Variants in EML1 observed in about 807,000 individuals in gnomAD.
EML1 encodes EMAP like 1, also known as echinoderm microtubule-associated protein-like 1.
EML1 carries 27 observed loss-of-function variants against 110.4 expected under a neutral mutation model. That is an observed-to-expected ratio of 0.24 (90% CI 0.18 to 0.34). The LOEUF is 0.34. Ranked by LOEUF, EML1 falls within the 10% of genes least tolerant of loss-of-function variation. The pLI is 1.00. For synonymous variants in EML1, 344 were observed against 385.8 expected, an observed-to-expected ratio of 0.89 and a Z score of 1.27; for missense variants, 741 against 1,030.9, an observed-to-expected ratio of 0.72 and a Z score of 3.85.
intron 15 of EML1, 87 bp downstream of exon 15, chr14:99,914,784 T>C: frequency 6.8e-7 from 1 of 1,481,360 alleles, no homozygotes; most frequent in Non-Finnish European, 9.0e-7. Flanking sequence ...TCAACAGTGA[T>C]ACAAAGTTGT....
intron 9 of EML1, among the ~76,000 whole-genome samples, chr14:99,906,156 G>C (rs186062502): frequency 6.6e-6 from 1 of 152,250 alleles, no homozygotes; most frequent in Admixed American, 6.5e-5. Flanking sequence ...GTTTGGGTTG[G>C]GGGTTTCCTC....
chr14:99,807,905 G>C (rs2058007292), intron 1 of EML1, among the ~76,000 whole-genome samples: 2 of 152,074 alleles, frequency 1.3e-5, no homozygotes, highest in South Asian at 4.1e-4. Context: ...TGTTAGATTT[G>C]TGGTCTTACC....
At chr14:99,907,818 G>A (rs2059879295) in intron 10 of EML1, 85 bp downstream of exon 10, 1 of 1,290,224 alleles carries the variant, frequency 7.8e-7, no homozygotes, top group Admixed American at 1.9e-5. Flanking sequence ...CTTTCAGCGG[G>A]CTCATTCCCA....
At chr14:99,862,180 C>G (rs1427268106) in intron 2 of EML1, among the ~76,000 whole-genome samples, 1 of 152,176 alleles carries the variant, frequency 6.6e-6, no homozygotes, top group Non-Finnish European at 1.5e-5. Flanking sequence ...ATGTTTTTCT[C>G]ATGGATAGAC....
At chr14:99,766,294 A>G (rs1416747685) in intron 1 of EML1, among the ~76,000 whole-genome samples, 1 of 150,458 alleles carries the variant, frequency 6.6e-6, no homozygotes, top group African/African-American at 2.5e-5. Flanking sequence ...TTGTGGGTTC[A>G]AGCAATTCTC....
intron 1 of EML1, among the ~76,000 whole-genome samples, chr14:99,817,515 G>A (rs556774248): frequency 3.1e-4 from 47 of 152,288 alleles, no homozygotes; most frequent in African/African-American, 1.0e-3. Flanking sequence ...CATGGCTCCC[G>A]CAGCATTAGT....
chr14:99,889,428 A>G (rs1344961904), intron 4 of EML1, among the ~76,000 whole-genome samples: 1 of 152,222 alleles, frequency 6.6e-6, no homozygotes, highest in Non-Finnish European at 1.5e-5. Context: ...GAATATAGCC[A>G]TGAACAGAAA....
At chr14:99,796,134 C>G (rs1215832849) in intron 1 of EML1, among the ~76,000 whole-genome samples, 1 of 146,816 alleles carries the variant, frequency 6.8e-6, no homozygotes, top group African/African-American at 2.5e-5. Flanking sequence ...CTGCAGTGAG[C>G]TATGACTGTG....
At chr14:99,758,773 A>G (rs1045465729) in intron 1 of EML1, among the ~76,000 whole-genome samples, 2 of 152,232 alleles carry the variant, frequency 1.3e-5, no homozygotes, top group African/African-American at 2.4e-5. Flanking sequence ...CAGCCCTGCA[A>G]CAGAAGGCTT....
chr14:99,838,753 C>A (rs533589322), intron 1 of EML1, among the ~76,000 whole-genome samples: 16 of 152,210 alleles, frequency 1.1e-4, no homozygotes, highest in Non-Finnish European at 1.9e-4. Context: ...GTGCTTCACA[C>A]GTTATCAGGA....
chr14:99,914,770 G>C, intron 15 of EML1, 73 bp downstream of exon 15: 1 of 1,510,946 alleles, frequency 6.6e-7, no homozygotes, highest in East Asian at 2.4e-5. Context: ...TTTTTTGCAT[G>C]AAATCAACAG....
intron 13 of EML1, among the ~76,000 whole-genome samples, chr14:99,912,104 A>T (rs1034138677): frequency 2.0e-5 from 3 of 150,692 alleles, no homozygotes; most frequent in Admixed American, 6.6e-5. Context: ...CTGGTTTGGA[A>T]CTCCTGAGCT....
chr14:99,770,321 A>G (rs1052387887), upstream of EML1, among the ~76,000 whole-genome samples: 1 of 152,148 alleles, frequency 6.6e-6, no homozygotes, highest in Admixed American at 6.5e-5. Flanking sequence ...GTATTCTCAC[A>G]TGGTGGAAAG....
intron 4 of EML1, among the ~76,000 whole-genome samples, chr14:99,882,497 T>C (rs1310257173): frequency 2.6e-5 from 4 of 152,190 alleles, no homozygotes; most frequent in Non-Finnish European, 5.9e-5. Flanking sequence ...ATAAGGATGT[T>C]TCAGTCATGT....
chr14:99,742,393 G>T (rs1234341116), intron 1 of EML1, among the ~76,000 whole-genome samples: 4 of 152,198 alleles, frequency 2.6e-5, no homozygotes, highest in African/African-American at 9.7e-5. Context: ...GATGGAGAAG[G>T]TACATGGCTT....
rs562905641 is a variant in EML1 at position 99,926,896 on chromosome 14, A to G, written c.1909+6019A>G. ...GTAGCTGGGACTACAGGCATGCACC[A>G]CCATACCTGGCTAATTTTTTGTATT... On this transcript the variant is annotated intron_variant, in intron 17 of 21. Coordinates refer to ENST00000262233, the MANE Select transcript of EML1 (RefSeq NM_004434.3). Among the ~76,000 whole-genome samples the G allele has an allele frequency of 3.3e-5, 5 of 152,078 alleles. No individual in the cohort carries two copies. In the South Asian group the frequency reaches 1.0e-3, roughly 32 times the overall value.
Position 99,910,318 on chromosome 14 carries a change from G to A in EML1, c.1316G>A (p.Gly439Asp). The A allele has an allele frequency of 6.2e-7, 1 of 1,613,284 alleles. No individual in the cohort carries two copies. The highest frequency in any genetic ancestry group is 8.5e-7 in the Non-Finnish European group (1 of 1,179,666). Residue 439 changes from glycine (G) to aspartate (D), a missense_variant, in exon 12 of 22, where the codon GGC (glycine) becomes GAC (aspartate). Gly to Asp is a moderately conservative substitution (Grantham distance 94). Transcript: ENST00000262233. ...NGDTITGDSS[G>D]NILVWGKGTN... is the part of the protein sequence containing the mutation. The stretch of plus-strand genomic sequence containing the variant: ...GACACCATTACTGGAGATTCAAGTG[G>A]CAACATCTTAGTATGGGGAAAAGGT...
chr14:99,768,411 G>T (rs1171358751), upstream of EML1, among the ~76,000 whole-genome samples: 1 of 152,126 alleles, frequency 6.6e-6, no homozygotes, highest in Non-Finnish European at 1.5e-5. Flanking sequence ...GGGGTTGATG[G>T]AGCTGCCTCG....
intron 2 of EML1, among the ~76,000 whole-genome samples, chr14:99,857,992 T>A (rs370240270): frequency 6.6e-6 from 1 of 152,198 alleles, no homozygotes; most frequent in East Asian, 1.9e-4. Context: ...CATCTACATG[T>A]ACCTTTTGAT....
Sources: allele counts gnomAD v4.1 joint callset (sites outside exome capture counted in the v4.1 genomes callset), GRCh38; gene constraint gnomAD v4.1.1; transcripts MANE v1.5; gene names NCBI Gene and HGNC (gene_info 2026-07-23, HGNC 2026-07-21).